Variants in CSMD1 observed in about 807,000 individuals in gnomAD.
CSMD1 encodes the protein CUB and Sushi multiple domains 1, also known as CUB and sushi domain-containing protein 1.
In CSMD1, 213 loss-of-function variants were observed where a neutral mutation model predicts 417.5. That is an observed-to-expected ratio of 0.51 (90% CI 0.46 to 0.57). The LOEUF is 0.57. Ranked by LOEUF, CSMD1 falls within the 20% of genes least tolerant of loss-of-function variation. The pLI is 0.00. For missense variants in CSMD1, 6,923 were observed against 4,529.7 expected, an observed-to-expected ratio of 1.53 and a Z score of -15.17; for synonymous variants, 2,862 against 1,736.8, an observed-to-expected ratio of 1.65 and a Z score of -16.11.
At chr8:4,535,790 A>T (rs982362196) in intron 2 of CSMD1, among the ~76,000 whole-genome samples, 2 of 152,142 alleles carry the variant, frequency 1.3e-5, no homozygotes, top group Non-Finnish European at 2.9e-5. Context: ...TTTTCAGTGG[A>T]GCTATAAAAA....
At chr8:3,958,274 T>C (rs1585034050) in intron 5 of CSMD1, among the ~76,000 whole-genome samples, 1 of 151,820 alleles carries the variant, frequency 6.6e-6, no homozygotes, top group Admixed American at 6.6e-5. Flanking sequence ...ACAATGTGGT[T>C]TTTTGTGGGG....
chr8:3,822,714 C>A (rs1801807366), intron 5 of CSMD1, among the ~76,000 whole-genome samples: 1 of 152,140 alleles, frequency 6.6e-6, no homozygotes, highest in South Asian at 2.1e-4. Flanking sequence ...AGGTGACACC[C>A]TAAAGTCCTT....
At chr8:3,840,840 A>C (rs575470211) in intron 5 of CSMD1, among the ~76,000 whole-genome samples, 14 of 151,832 alleles carry the variant, frequency 9.2e-5, no homozygotes, top group African/African-American at 3.4e-4. Flanking sequence ...GGCGCCTGCC[A>C]CTACGTACAG....
chr8:3,914,682 G>C (rs1057253642), intron 5 of CSMD1, among the ~76,000 whole-genome samples: 1 of 151,932 alleles, frequency 6.6e-6, no homozygotes, highest in African/African-American at 2.4e-5. Context: ...AGTCAGCTTG[G>C]TTGTCAAGTT....
chr8:3,197,694 G>C (rs1420055331), intron 33 of CSMD1, among the ~76,000 whole-genome samples: 1 of 152,018 alleles, frequency 6.6e-6, no homozygotes, highest in African/African-American at 2.4e-5. Context: ...TCGATCTCCT[G>C]ACCTCGTGAT....
At chr8:3,422,483 G>A (rs118096814) in intron 12 of CSMD1, among the ~76,000 whole-genome samples, 1 of 152,148 alleles carries the variant, frequency 6.6e-6, no homozygotes, top group Non-Finnish European at 1.5e-5. Context: ...TCTTATAATT[G>A]AGTCTGTCTG....
chr8:3,670,761 T>C (rs1433364181), intron 7 of CSMD1, among the ~76,000 whole-genome samples: 2 of 139,716 alleles, frequency 1.4e-5, no homozygotes, highest in African/African-American at 5.2e-5. Flanking sequence ...GATATATATG[T>C]ATGGGATATA....
intron 5 of CSMD1, among the ~76,000 whole-genome samples, chr8:3,809,035 G>C (rs1173131156): frequency 2.6e-5 from 4 of 152,128 alleles, no homozygotes; most frequent in Non-Finnish European, 5.9e-5. Context: ...GGCATGAAGA[G>C]ATACACTTAG....
chr8:4,248,665 C>T (rs550693769), intron 3 of CSMD1, among the ~76,000 whole-genome samples: 1 of 152,172 alleles, frequency 6.6e-6, no homozygotes, highest in African/African-American at 2.4e-5. Context: ...CACCCACCAT[C>T]AGCCTCCTGT....
chr8:3,386,433 T>C (rs932111198), intron 18 of CSMD1, among the ~76,000 whole-genome samples: 16 of 152,192 alleles, frequency 1.1e-4, no homozygotes, highest in Admixed American at 3.3e-4. Context: ...CCAGCAGCTC[T>C]GTGCTGTCCA....
chr8:3,637,240 G>C (rs774431574), intron 7 of CSMD1, among the ~76,000 whole-genome samples: 2 of 152,162 alleles, frequency 1.3e-5, no homozygotes, highest in East Asian at 1.9e-4. Context: ...TTTGTAATCA[G>C]AATAATCCTT....
intron 10 of CSMD1, among the ~76,000 whole-genome samples, chr8:3,496,515 C>T (rs1392144): frequency 0.75 from 113,995 of 152,138 alleles, 42,914 homozygotes; most frequent in Middle Eastern, 0.84. Flanking sequence ...AAACTACCCT[C>T]TTAGCACTGC....
At chr8:3,686,207 G>C (rs1296273036) in intron 7 of CSMD1, among the ~76,000 whole-genome samples, 1 of 152,296 alleles carries the variant, frequency 6.6e-6, no homozygotes, top group African/African-American at 2.4e-5. Context: ...TGAAGTTAGA[G>C]TGTGGGTCAC....
chr8:4,856,945 C>T (rs980817727), intron 1 of CSMD1, among the ~76,000 whole-genome samples: 12 of 151,974 alleles, frequency 7.9e-5, no homozygotes, highest in Non-Finnish European at 1.5e-4. Context: ...CTCTCCACCC[C>T]AAATCAACAG....
intron 3 of CSMD1, among the ~76,000 whole-genome samples, chr8:4,106,674 TTTTC>T (rs554859047): frequency 5.3e-5 from 8 of 152,194 alleles, no homozygotes; most frequent in African/African-American, 1.4e-4. Context: ...CAGTAAAACA[TTTTC>T]TTTATTTCAT....
At chr8:4,268,321 C>A (rs1300754740) in intron 3 of CSMD1, among the ~76,000 whole-genome samples, 4 of 152,000 alleles carry the variant, frequency 2.6e-5, no homozygotes, top group Non-Finnish European at 4.4e-5. Flanking sequence ...CCATTATGAC[C>A]TGAATATTAA....
rs146259644 is a variant in CSMD1 at position 4,287,051 on chromosome 8, A to G, written c.415+132902T>C. ...AACTTCATTTAGAGAATGATTGTACACTAAGGCTTAGTAACTTGAGAGAAC... is the reference window on the plus strand; with the variant it reads ...AACTTCATTTAGAGAATGATTGTACGCTAAGGCTTAGTAACTTGAGAGAAC... On this transcript the variant is annotated intron_variant, in intron 3 of 69. Transcript: ENST00000635120. Among the ~76,000 whole-genome samples the G allele has an allele frequency of 2.5e-3, 383 of 152,332 alleles. 1 individual carries two copies. Among genetic ancestry groups the G allele is most frequent in the African/African-American group, 8.9e-3 (372 of 41,582 alleles).
intron 3 of CSMD1, among the ~76,000 whole-genome samples, chr8:4,192,651 G>A (rs1210617236): frequency 6.6e-6 from 1 of 152,202 alleles, no homozygotes; most frequent in African/African-American, 2.4e-5. Context: ...AGGGATCAGA[G>A]TGAGAAAAAC....
intron 1 of CSMD1, among the ~76,000 whole-genome samples, chr8:4,940,066 A>G (rs1807884332): frequency 6.6e-6 from 1 of 152,172 alleles, no homozygotes; most frequent in Admixed American, 6.5e-5. Flanking sequence ...CTGAGGTAGG[A>G]GAACCGGGCA....
Sources: allele counts gnomAD v4.1 joint callset (sites outside exome capture counted in the v4.1 genomes callset), GRCh38; gene constraint gnomAD v4.1.1; transcripts MANE v1.5; gene names NCBI Gene and HGNC (gene_info 2026-07-23, HGNC 2026-07-21).